The following CTNNA3 variants were observed in gnomAD, a reference collection of about 807,000 sequenced individuals.
CTNNA3 encodes the protein catenin alpha 3.
In CTNNA3, 76 loss-of-function variants were observed where a neutral mutation model predicts 95.7. The observed-to-expected ratio is 0.79, with a 90% CI of 0.66 to 0.96. CTNNA3 has a LOEUF of 0.96. CTNNA3 is among the 40% of genes least tolerant of loss of function. The probability of loss-of-function intolerance (pLI) is 0.00; values close to 1 mark genes in which losing one functional copy is unlikely to be tolerated. For missense variants in CTNNA3, 1,191 were observed against 1,089.8 expected (o/e 1.09, Z -1.31); for synonymous variants, 431 against 374.4 (o/e 1.15, Z -1.74).
At chr10:66,662,098 C>A (rs1846284715) in intron 9 of CTNNA3, among the ~76,000 whole-genome samples, 1 of 152,140 alleles carries the variant, frequency 6.6e-6, no homozygotes. Context: ...AAAACATATG[C>A]TTAAAAACGA....
At chr10:66,031,530 G>A (rs1172043585) in intron 15 of CTNNA3, among the ~76,000 whole-genome samples, 1 of 152,042 alleles carries the variant, frequency 6.6e-6, no homozygotes, top group Non-Finnish European at 1.5e-5. Flanking sequence ...CATAAAGATG[G>A]GGAAAATAGA....
intron 10 of CTNNA3, among the ~76,000 whole-genome samples, chr10:66,529,613 T>C (rs928451597): frequency 6.6e-6 from 1 of 152,128 alleles, no homozygotes; most frequent in African/African-American, 2.4e-5. Context: ...GCTTTTACTA[T>C]ATGTGTAAAA....
chr10:67,063,569 C>T (rs963331762), intron 7 of CTNNA3, among the ~76,000 whole-genome samples: 7 of 152,134 alleles, frequency 4.6e-5, no homozygotes, highest in African/African-American at 1.7e-4. Context: ...GAAGTGGCTC[C>T]AATGAAAGGT....
At chr10:66,772,538 A>G (rs1840134026) in intron 8 of CTNNA3, among the ~76,000 whole-genome samples, 1 of 152,166 alleles carries the variant, frequency 6.6e-6, no homozygotes, top group African/African-American at 2.4e-5. Flanking sequence ...CATTAAGAAT[A>G]ATGGGGATTA....
At chr10:67,196,960 C>A (rs1368737887) in intron 6 of CTNNA3, among the ~76,000 whole-genome samples, 1 of 151,900 alleles carries the variant, frequency 6.6e-6, no homozygotes, top group African/African-American at 2.4e-5. Flanking sequence ...TGTAAAAAAT[C>A]CTAAAAATAT....
intron 11 of CTNNA3, among the ~76,000 whole-genome samples, chr10:66,411,954 G>A (rs2093108841): frequency 6.6e-6 from 1 of 152,092 alleles, no homozygotes; most frequent in African/African-American, 2.4e-5. Flanking sequence ...CTACCAAATT[G>A]GGGCAAGGAG....
At chr10:66,594,654 C>G (rs1358052804) in intron 10 of CTNNA3, among the ~76,000 whole-genome samples, 1 of 152,088 alleles carries the variant, frequency 6.6e-6, no homozygotes, top group Non-Finnish European at 1.5e-5. Context: ...TCAAATGTCA[C>G]CATCTGTAGC....
At chr10:67,088,073 A>G (rs1857410545) in intron 7 of CTNNA3, among the ~76,000 whole-genome samples, 1 of 151,860 alleles carries the variant, frequency 6.6e-6, no homozygotes, top group Non-Finnish European at 1.5e-5. Context: ...AAGAGAAAGA[A>G]AGCAAGAACA....
intron 9 of CTNNA3, among the ~76,000 whole-genome samples, chr10:66,695,924 G>GGC (rs1554837142): frequency 2.3e-5 from 3 of 132,936 alleles, no homozygotes; most frequent in Non-Finnish European, 3.2e-5. Flanking sequence ...TAAGGGGGGG[G>GGC]GGCAATAAAA....
At chr10:66,690,893 GC>G (rs1847502095) in intron 9 of CTNNA3, among the ~76,000 whole-genome samples, 1 of 152,148 alleles carries the variant, frequency 6.6e-6, no homozygotes, top group Admixed American at 6.5e-5. Flanking sequence ...CTGAGGAATT[GC>G]CACACTGACT....
intron 7 of CTNNA3, among the ~76,000 whole-genome samples, chr10:67,070,745 CA>C (rs199625404): frequency 1.3e-4 from 18 of 143,298 alleles, no homozygotes; most frequent in Middle Eastern, 3.6e-3. Flanking sequence ...GACCCCATCT[CA>C]AAAAAAAAAG....
At chr10:66,628,097 C>T (rs936174594) in intron 9 of CTNNA3, among the ~76,000 whole-genome samples, 4 of 151,912 alleles carry the variant, frequency 2.6e-5, no homozygotes, top group Non-Finnish European at 5.9e-5. Context: ...AGGGTAAAGA[C>T]GATGATATAT....
intron 10 of CTNNA3, among the ~76,000 whole-genome samples, chr10:66,563,615 C>A (rs1278815875): frequency 6.6e-6 from 1 of 151,836 alleles, no homozygotes; most frequent in Non-Finnish European, 1.5e-5. Flanking sequence ...TTGGGCAAAC[C>A]CTCCTCCGAT....
intron 13 of CTNNA3, among the ~76,000 whole-genome samples, chr10:66,136,357 G>A (rs931539616): frequency 1.3e-5 from 2 of 152,162 alleles, no homozygotes; most frequent in African/African-American, 4.8e-5. Flanking sequence ...TAACATGGAT[G>A]TTGGTTAATA....
At chr10:67,714,424 T>C (rs889557874) in intron 1 of CTNNA3, among the ~76,000 whole-genome samples, 13 of 152,210 alleles carry the variant, frequency 8.5e-5, no homozygotes, top group African/African-American at 3.1e-4. Flanking sequence ...CTTTCAGACT[T>C]GTGTGGGGCC....
intron 5 of CTNNA3, among the ~76,000 whole-genome samples, chr10:67,431,686 C>T (rs558577392): frequency 2.0e-5 from 3 of 151,948 alleles, no homozygotes; most frequent in East Asian, 1.9e-4. Context: ...ATATTAAATA[C>T]CCATTAAACC....
chr10:67,284,943 CT>C (rs896568443), intron 5 of CTNNA3, among the ~76,000 whole-genome samples: 2 of 152,228 alleles, frequency 1.3e-5, no homozygotes, highest in African/African-American at 4.8e-5. Context: ...CCCTCACCCC[CT>C]GGGGGTGGCA....
intron 7 of CTNNA3, among the ~76,000 whole-genome samples, chr10:66,916,964 T>G (rs1395045135): frequency 6.6e-6 from 1 of 152,212 alleles, no homozygotes; most frequent in African/African-American, 2.4e-5. Flanking sequence ...CGTCAACAAC[T>G]CAGAAAGGGA....
At chr10:67,489,198 C>T (rs1848563297) in intron 5 of CTNNA3, among the ~76,000 whole-genome samples, 1 of 152,104 alleles carries the variant, frequency 6.6e-6, no homozygotes. Context: ...GGAGTCTTTT[C>T]TTTATGTACC....
Sources: gnomAD v4.1 joint callset for allele counts (sites outside exome capture counted in the v4.1 genomes callset) on GRCh38, gnomAD v4.1.1 for gene constraint, MANE v1.5 for transcripts, NCBI Gene and HGNC (gene_info 2026-07-23, HGNC 2026-07-21) for gene names.